Variants in CTNND2 observed in about 807,000 individuals in gnomAD.
CTNND2 encodes the protein catenin delta 2, also known as catenin delta-2.
CTNND2 carries 22 observed loss-of-function variants against 144.4 expected under a neutral mutation model. The ratio of observed to expected loss-of-function variants is 0.15; its 90% confidence interval spans 0.11 to 0.22. The LOEUF (loss-of-function observed/expected upper bound fraction) is 0.22. Among genes scored for constraint, CTNND2 ranks in the 10% least tolerant of loss-of-function variants. CTNND2 has a pLI of 1.00. For synonymous variants in CTNND2, 751 were observed against 695.6 expected (o/e 1.08, Z -1.25); for missense variants, 1,353 against 1,618.8 (o/e 0.84, Z 2.82).
At chr5:11,481,507 AT>A (rs1245365187) in intron 3 of CTNND2, among the ~76,000 whole-genome samples, 1 of 152,074 alleles carries the variant, frequency 6.6e-6, no homozygotes, top group African/African-American at 2.4e-5. Context: ...GAAGGCTGAG[AT>A]GGGAGGATCA....
In CTNND2 at chr5:11,249,789, CAAAA is replaced by C. The variant is rs960366295; in HGVS notation, c.1629-12970_1629-12967del. On this transcript the variant is annotated intron_variant, in intron 9 of 21. Transcript: ENST00000304623. ...GCCGCTAGAATAGTACAAAAACAAA[CAAAA>C]AAAAAACCAAAAATCTAAAGCCATT... Among the ~76,000 whole-genome samples, 7 of 133,150 alleles carry C rather than the reference CAAAA, an allele frequency of 5.3e-5. No individual in the cohort carries two copies. In the South Asian group the frequency reaches 9.5e-4, roughly 18 times the overall value. The allele number at this position is 133,150 out of a possible 152,430, so 87.4% of individuals were successfully genotyped here.
chr5:11,622,091 C>T (rs767588861), intron 2 of CTNND2, among the ~76,000 whole-genome samples: 1 of 152,106 alleles, frequency 6.6e-6, no homozygotes, highest in Non-Finnish European at 1.5e-5. Context: ...TATCATAATG[C>T]TCACTAAGAA....
intron 2 of CTNND2, among the ~76,000 whole-genome samples, chr5:11,659,209 T>C (rs116044018): frequency 1.6e-3 from 237 of 152,200 alleles, no homozygotes; most frequent in African/African-American, 5.5e-3. Flanking sequence ...AGTATTTACA[T>C]TGTATTAGGT....
At chr5:11,404,599 A>ATTTTTTTTTTTT (rs1405789135) in intron 5 of CTNND2, among the ~76,000 whole-genome samples, 3 of 32,770 alleles carry the variant, frequency 9.2e-5, no homozygotes, top group Non-Finnish European at 2.9e-4. Flanking sequence ...CAGTATCTGT[A>ATTTTTTTTTTTT]TTCTTTTTTT....
At chr5:11,009,263 C>T (rs142196480) in intron 18 of CTNND2, among the ~76,000 whole-genome samples, 54 of 152,290 alleles carry the variant, frequency 3.5e-4, no homozygotes, top group African/African-American at 1.2e-3. Flanking sequence ...AGACATCTCC[C>T]ATGGGCAGAG....
chr5:11,414,471 C>G (rs192283419), intron 3 of CTNND2, among the ~76,000 whole-genome samples: 203 of 152,296 alleles, frequency 1.3e-3, no homozygotes, highest in African/African-American at 4.6e-3. Flanking sequence ...AGTTAATTCA[C>G]AACAATCACA....
chr5:11,736,878 A>C (rs1787709913), intron 1 of CTNND2, among the ~76,000 whole-genome samples: 1 of 152,174 alleles, frequency 6.6e-6, no homozygotes, highest in Non-Finnish European at 1.5e-5. Context: ...TTTTTTACAT[A>C]ATAAGGTACT....
chr5:11,761,320 T>C (rs1248129464), intron 1 of CTNND2, among the ~76,000 whole-genome samples: 2 of 152,200 alleles, frequency 1.3e-5, no homozygotes, highest in Non-Finnish European at 2.9e-5. Flanking sequence ...GGAAAATCAT[T>C]ATCTAATTTC....
intron 2 of CTNND2, among the ~76,000 whole-genome samples, chr5:11,637,975 G>T (rs937255782): frequency 1.3e-5 from 2 of 152,126 alleles, no homozygotes; most frequent in African/African-American, 4.8e-5. Flanking sequence ...CTAATGTAAA[G>T]AACCGGTCTC....
At chr5:11,822,403 A>G (rs996405253) in intron 1 of CTNND2, among the ~76,000 whole-genome samples, 11 of 152,220 alleles carry the variant, frequency 7.2e-5, no homozygotes, top group African/African-American at 2.7e-4. Context: ...AGCAATTTTA[A>G]GATAAAGAAC....
At chr5:11,549,477 C>T (rs1775573759) in intron 3 of CTNND2, among the ~76,000 whole-genome samples, 1 of 152,162 alleles carries the variant, frequency 6.6e-6, no homozygotes, top group Admixed American at 6.5e-5. Flanking sequence ...AGGCAGACTC[C>T]AGATTTTAGA....
intron 12 of CTNND2, among the ~76,000 whole-genome samples, chr5:11,119,617 T>C (rs1753882693): frequency 6.6e-6 from 1 of 152,244 alleles, no homozygotes; most frequent in Admixed American, 6.5e-5. Flanking sequence ...AGATCATTCC[T>C]TCTTGAAATG....
intron 9 of CTNND2, among the ~76,000 whole-genome samples, chr5:11,333,681 C>T (rs1186595750): frequency 6.6e-6 from 1 of 152,196 alleles, no homozygotes; most frequent in Non-Finnish European, 1.5e-5. Context: ...GTAGGGATGA[C>T]CTTCTCTGCT....
intron 2 of CTNND2, among the ~76,000 whole-genome samples, chr5:11,674,935 C>T (rs1784094453): frequency 2.6e-5 from 4 of 152,178 alleles, no homozygotes; most frequent in Middle Eastern, 3.4e-3. Context: ...ACCATGCTGG[C>T]CGGGCTGGTC....
At chr5:11,135,447 A>AGC (rs1383335260) in intron 12 of CTNND2, among the ~76,000 whole-genome samples, 1 of 91,144 alleles carries the variant, frequency 1.1e-5, no homozygotes, top group Non-Finnish European at 2.4e-5. Flanking sequence ...TTACAGAAGA[A>AGC]ACAGTGGATT....
At chr5:11,546,449 C>G (rs559110845) in intron 3 of CTNND2, among the ~76,000 whole-genome samples, 11 of 152,014 alleles carry the variant, frequency 7.2e-5, no homozygotes, top group Non-Finnish European at 1.5e-4. Context: ...AGACACAATA[C>G]AGTAATTTTC....
At chr5:11,608,686 C>T (rs191095969) in intron 2 of CTNND2, among the ~76,000 whole-genome samples, 569 of 152,332 alleles carry the variant, frequency 3.7e-3, no homozygotes, top group Non-Finnish European at 6.6e-3. Context: ...CAGCACCTTA[C>T]TTGGTTTCTC....
intron 9 of CTNND2, among the ~76,000 whole-genome samples, chr5:11,271,492 T>C (rs1746007754): frequency 6.6e-6 from 1 of 152,170 alleles, no homozygotes; most frequent in Admixed American, 6.6e-5. Context: ...GGTATTTCCT[T>C]TCTTCCCTTC....
intron 10 of CTNND2, among the ~76,000 whole-genome samples, chr5:11,212,694 G>A (rs994510164): frequency 2.0e-5 from 3 of 152,240 alleles, no homozygotes; most frequent in South Asian, 4.1e-4. Context: ...AACAGGCCCT[G>A]ATTCCTGGAG....
Sources: allele counts gnomAD v4.1 joint callset (sites outside exome capture counted in the v4.1 genomes callset), GRCh38; gene constraint gnomAD v4.1.1; transcripts MANE v1.5; gene names NCBI Gene and HGNC (gene_info 2026-07-23, HGNC 2026-07-21).